Variants in WDFY1 observed in about 807,000 individuals in gnomAD.
WDFY1 encodes WD repeat and FYVE domain containing 1, also known as WD repeat and FYVE domain-containing protein 1.
Under a neutral mutation model 56.4 loss-of-function variants are expected in WDFY1, and 32 were observed. That is an observed-to-expected ratio of 0.57 (90% confidence interval 0.43 to 0.76). WDFY1 has a LOEUF of 0.76. Among genes scored for constraint, WDFY1 ranks in the 30% least tolerant of loss-of-function variants. The pLI, the probability that WDFY1 is intolerant of heterozygous loss-of-function variation, is 0.00. For synonymous variants in WDFY1, 192 were observed against 197.3 expected, an observed-to-expected ratio of 0.97 and a Z score of 0.23; for missense variants, 480 against 545.7, an observed-to-expected ratio of 0.88 and a Z score of 1.20.
At chr2:223,900,909 GA>G in intron 5 of WDFY1, 1 of 357,794 alleles carries the variant, frequency 2.8e-6, no homozygotes, top group East Asian at 6.1e-5. Context: ...TCCCAGCACA[GA>G]ACAATTCATT....
At chr2:223,918,395 G>A (rs913178886) in intron 1 of WDFY1, among the ~76,000 whole-genome samples, 14 of 152,108 alleles carry the variant, frequency 9.2e-5, no homozygotes, top group Admixed American at 7.9e-4. Context: ...CTGGGAGGCC[G>A]AGGCAGGCGG....
intron 1 of WDFY1, among the ~76,000 whole-genome samples, chr2:223,936,946 G>C (rs1490718316): frequency 6.6e-6 from 1 of 152,238 alleles, no homozygotes; most frequent in Non-Finnish European, 1.5e-5. Context: ...GAAGCCTTGT[G>C]TCTGGTTTCC....
intron 2 of WDFY1, among the ~76,000 whole-genome samples, chr2:223,912,801 G>A (rs1693727466): frequency 6.6e-6 from 1 of 152,220 alleles, no homozygotes; most frequent in Non-Finnish European, 1.5e-5. Flanking sequence ...TATGTGAGTT[G>A]TGAAGTGCAG....
chr2:223,930,077 T>C (rs1358888481), intron 1 of WDFY1, among the ~76,000 whole-genome samples: 2 of 152,280 alleles, frequency 1.3e-5, no homozygotes, highest in Non-Finnish European at 2.9e-5. Flanking sequence ...AGGTCTAACT[T>C]CAAAGCTCAC....
In WDFY1 at chr2:223,876,699, C is replaced by T. The variant is rs1026236727; in HGVS notation, c.*1972G>A. On this transcript the variant is annotated 3_prime_UTR_variant, in exon 12 of 12. Coordinates refer to ENST00000233055, the MANE Select transcript of WDFY1 (RefSeq NM_020830.5). ...GAAAGCTATGGAGTAAACTCAGCAGCTGTGATATTCCGTTCAATCTACCAC... is the reference window on the plus strand; with the variant it reads ...GAAAGCTATGGAGTAAACTCAGCAGTTGTGATATTCCGTTCAATCTACCAC... 1 of 152,190 alleles carries T rather than the reference C, an allele frequency of 6.6e-6. No individual in the cohort carries two copies. Among genetic ancestry groups the T allele is most frequent in the Non-Finnish European group, 1.5e-5 (1 of 68,042 alleles). The allele number at this position is 152,190 out of a possible 1,614,324, so 9.4% of individuals were successfully genotyped here.
At chr2:223,895,452 T>C in intron 7 of WDFY1, 52 bp downstream of exon 7, 5 of 1,612,898 alleles carry the variant, frequency 3.1e-6, no homozygotes, top group Non-Finnish European at 4.2e-6. Flanking sequence ...TGCCTTTCAC[T>C]AGCTCCCCAC....
intron 1 of WDFY1, among the ~76,000 whole-genome samples, chr2:223,933,732 G>C (rs1442927762): frequency 1.3e-5 from 2 of 151,836 alleles, no homozygotes; most frequent in African/African-American, 4.8e-5. Context: ...TGAGGCTGGA[G>C]GATCACTTGA....
chr2:223,882,790 G>C (rs1435025057), intron 9 of WDFY1, among the ~76,000 whole-genome samples: 1 of 151,794 alleles, frequency 6.6e-6, no homozygotes, highest in Non-Finnish European at 1.5e-5. Context: ...AAGGTGCAAT[G>C]GCATACAGCT....
At chr2:223,915,340 T>A (rs1447766974) in intron 2 of WDFY1, among the ~76,000 whole-genome samples, 1 of 152,186 alleles carries the variant, frequency 6.6e-6, no homozygotes, top group African/African-American at 2.4e-5. Context: ...TTAAGCCAAG[T>A]TAGAAAAGGC....
rs1358941993 is a variant in WDFY1 at position 223,945,060 on chromosome 2, C to A, written c.137+88G>T. 21 of 1,427,164 alleles carry A rather than the reference C, an allele frequency of 1.5e-5. 1 individual carries two copies. The South Asian group carries it at 2.8e-4, about 19-fold the overall frequency. 88.4% of individuals were successfully genotyped at this position (1,427,164 alleles called of 1,614,324 possible). ...CCGTGCTGCCGGGGGAGCCCCCTCA[C>A]GCAGGAAGGACCGGGGCCGCGGACC... is the stretch of plus-strand genomic sequence containing the variant. On this transcript the variant is annotated intron_variant, in intron 1 of 11. Coordinates refer to ENST00000233055, the MANE Select transcript of WDFY1 (RefSeq NM_020830.5).
intron 4 of WDFY1, among the ~76,000 whole-genome samples, 176 bp from the exon 5 acceptor site, chr2:223,901,509 A>G (rs561037471): frequency 6.6e-6 from 1 of 152,178 alleles, no homozygotes; most frequent in East Asian, 1.9e-4. Context: ...TCAACAACTC[A>G]CTAGCACAGG....
intron 8 of WDFY1, among the ~76,000 whole-genome samples, chr2:223,887,130 T>C (rs116467508): frequency 0.016 from 2,462 of 152,288 alleles, 33 homozygotes; most frequent in Non-Finnish European, 0.024. Context: ...TTTCTTGATA[T>C]GGAATTACTT....
At position 223,895,487 on chromosome 2, in the gene WDFY1, C is replaced by T. The variant is rs777780081; in HGVS notation, c.725+17G>A. Reference sequence around the variant, plus strand: ...CTAACTCGGATTCTTTCCCCACCCCCACAAGTGGTCACGCACTGATGGCCC... The same window carrying T: ...CTAACTCGGATTCTTTCCCCACCCCTACAAGTGGTCACGCACTGATGGCCC... On this transcript the variant is annotated intron_variant, in intron 7 of 11. Coordinates refer to ENST00000233055, the MANE Select transcript of WDFY1 (RefSeq NM_020830.5). 2 of 1,613,752 alleles carry T rather than the reference C, an allele frequency of 1.2e-6. No individual in the cohort carries two copies. Among genetic ancestry groups the T allele is most frequent in the South Asian group, 1.1e-5 (1 of 91,058 alleles).
At chr2:223,907,169 G>T (rs912329968) in intron 3 of WDFY1, among the ~76,000 whole-genome samples, 5 of 151,656 alleles carry the variant, frequency 3.3e-5, no homozygotes, top group African/African-American at 1.2e-4. Context: ...TACAGACAGG[G>T]TTTCACCATG....
chr2:223,933,376 T>G (rs1384202789), intron 1 of WDFY1, among the ~76,000 whole-genome samples: 1 of 151,564 alleles, frequency 6.6e-6, no homozygotes, highest in Non-Finnish European at 1.5e-5. Context: ...CTCCAAACCA[T>G]TCTTGCTGTA....
At position 223,894,244 on chromosome 2, in the gene WDFY1, C is replaced by A; in HGVS notation, c.821G>T (p.Ser274Ile). ...GGIAVWNMDV[S>I]REEAPQWLES... is the part of the protein sequence containing the mutation. ...GCCCTTGTCTCTTACCTCTTCTCTG[C>A]TAACATCCATGTTCCACACTGCAAT... The change falls in exon 8 of 12, where the codon AGC becomes ATC. Residue 274 changes from serine (S) to isoleucine (I), a missense_variant. Transcript: ENST00000233055. The A allele has an allele frequency of 6.2e-7, 1 of 1,614,154 alleles. No individual in the cohort carries two copies. Among genetic ancestry groups the A allele is most frequent in the Non-Finnish European group, 8.5e-7 (1 of 1,179,982 alleles).
chr2:223,894,427 T>A, intron 7 of WDFY1, 88 bp from the exon 8 acceptor site: 11 of 1,326,252 alleles, frequency 8.3e-6, no homozygotes, highest in Non-Finnish European at 1.2e-5. Context: ...CTCTCCTCAT[T>A]AAAATCAGCA....
At chr2:223,909,171 A>G in intron 3 of WDFY1, among the ~76,000 whole-genome samples, 1 of 152,138 alleles carries the variant, frequency 6.6e-6, no homozygotes, top group East Asian at 1.9e-4. Flanking sequence ...TATTGTACAG[A>G]TCCCCAGGCC....
intron 4 of WDFY1, among the ~76,000 whole-genome samples, chr2:223,901,590 A>G (rs1387602824): frequency 6.6e-6 from 1 of 151,922 alleles, no homozygotes; most frequent in East Asian, 1.9e-4. Context: ...TTAAAGAGTA[A>G]CGCTCAAGGA....
Sources: allele counts gnomAD v4.1 joint callset (sites outside exome capture counted in the v4.1 genomes callset), GRCh38; gene constraint gnomAD v4.1.1; transcripts MANE v1.5; gene names NCBI Gene and HGNC (gene_info 2026-07-23, HGNC 2026-07-21).